The following ZNF608 variants were observed in gnomAD, a reference collection of about 807,000 sequenced individuals.
The protein encoded by ZNF608 is renal carcinoma antigen NY-REN-36.
In ZNF608, 12 loss-of-function variants were observed where a neutral mutation model predicts 109.0. The ratio of observed to expected loss-of-function variants is 0.11; its 90% CI spans 0.07 to 0.18. The LOEUF (loss-of-function observed/expected upper bound fraction) is 0.18, where lower values mean the gene tolerates loss of function less well. ZNF608 is among the 10% of genes least tolerant of loss of function. The pLI, the probability that ZNF608 is intolerant of heterozygous loss-of-function variation, is 1.00. For missense variants in ZNF608, 1,707 were observed against 1,879.3 expected, an observed-to-expected ratio of 0.91 and a Z score of 1.70; for synonymous variants, 732 against 717.4, an observed-to-expected ratio of 1.02 and a Z score of -0.33.
intron 2 of ZNF608, among the ~76,000 whole-genome samples, chr5:124,732,481 A>G (rs1484643826): frequency 1.3e-5 from 2 of 151,952 alleles, no homozygotes; most frequent in Non-Finnish European, 2.9e-5. Flanking sequence ...TGCAACTACA[A>G]CATGGACAAA....
intron 1 of ZNF608, 78 bp downstream of exon 1, chr5:124,746,117 T>G: frequency 1.0e-6 from 1 of 985,142 alleles, no homozygotes; most frequent in Non-Finnish European, 1.2e-6. Flanking sequence ...ATCAGCCCCT[T>G]TTTAACAGTT....
At chr5:124,689,989 T>C (rs1233090011) in intron 3 of ZNF608, among the ~76,000 whole-genome samples, 2 of 152,176 alleles carry the variant, frequency 1.3e-5, no homozygotes, top group East Asian at 3.9e-4. Flanking sequence ...CTTTCAGGAG[T>C]GAATGGACAA....
intron 5 of ZNF608, among the ~76,000 whole-genome samples, chr5:124,646,158 C>G (rs868066358): frequency 6.6e-5 from 10 of 152,038 alleles, no homozygotes; most frequent in Middle Eastern, 3.2e-3. Flanking sequence ...GTCAGGAGAT[C>G]GAGACCATCT....
chr5:124,670,538 G>A (rs142204550), intron 3 of ZNF608, among the ~76,000 whole-genome samples: 87 of 152,226 alleles, frequency 5.7e-4, no homozygotes, highest in African/African-American at 2.0e-3. Flanking sequence ...TGTCATAGGC[G>A]TGGATCCTCT....
chr5:124,646,364 T>A (rs935128493), intron 5 of ZNF608, among the ~76,000 whole-genome samples: 2 of 151,904 alleles, frequency 1.3e-5, no homozygotes, highest in Non-Finnish European at 2.9e-5. Flanking sequence ...TCTCAAAAAA[T>A]TTAAAAAATT....
intron 9 of ZNF608, 160 bp downstream of exon 9, chr5:124,638,973 T>G: frequency 1.2e-6 from 1 of 828,638 alleles, no homozygotes; most frequent in Non-Finnish European, 1.9e-6. Flanking sequence ...GGAATTTAAG[T>G]TGCATGTGAA....
chr5:124,688,387 A>G (rs11951470), intron 3 of ZNF608, among the ~76,000 whole-genome samples: 31,989 of 152,054 alleles, frequency 0.21, 3,456 homozygotes, highest in African/African-American at 0.26. Context: ...AGAAAGTCTC[A>G]TTCCCTTTCT....
chr5:124,648,453 A>G lies in ZNF608; in HGVS notation c.1931T>C (p.Met644Thr). The change falls in exon 5 of 10, where the codon ATG becomes ACG. Residue 644 changes from methionine to threonine, a missense_variant. Physicochemically the swap from Met to Thr is moderately conservative, Grantham distance 81. This residue lies in a region of ZNF608 where 1,073 missense variants were observed against 1,133.5 expected (regional missense o/e 0.95). Coordinates refer to ENST00000513986, the MANE Select transcript of ZNF608 (RefSeq NM_020747.3). ...AATAATGGAACCTGGGCCATTGCTCATCAGCTCTCTCTTTCCCTTTGGGGT... is the reference window on the plus strand; with the variant it reads ...AATAATGGAACCTGGGCCATTGCTCGTCAGCTCTCTCTTTCCCTTTGGGGT... ...PGTPKGKREL[M>T]SNGPGSIIGA... 6.2e-7 allele frequency: 1 copy of G among 1,614,196 alleles called. No homozygotes were observed. The highest frequency in any genetic ancestry group is 8.5e-7 in the Non-Finnish European group (1 of 1,180,046).
At chr5:124,644,019 A>G (rs1750375451) in intron 6 of ZNF608, among the ~76,000 whole-genome samples, 1 of 152,248 alleles carries the variant, frequency 6.6e-6, no homozygotes, top group Non-Finnish European at 1.5e-5. Context: ...TCAGCCTAAC[A>G]GCTATAGCAG....
At position 124,644,426 on chromosome 5, in the gene ZNF608, T is replaced by A. The variant is rs760146805; in HGVS notation, c.3941A>T (p.Asp1314Val). The A allele has an allele frequency of 6.2e-7, 1 of 1,614,072 alleles. No individual in the cohort carries two copies. Among genetic ancestry groups the A allele is most frequent in the African/African-American group, 1.3e-5 (1 of 74,918 alleles). The stretch of plus-strand genomic sequence containing the variant: ...CCAGTTCACAGGAGTCTTTCGATCA[T>A]CATTTTTCAGCTTGCTCTCCTCCAT... ...QSMEESKLKNDDRKTPVNWKD... is the reference protein window; with the variant it reads ...QSMEESKLKNVDRKTPVNWKD... Residue 1314 changes from aspartate to valine, a missense_variant, in exon 6 of 10, where the codon GAT (aspartate) becomes GTT (valine). By Grantham distance (152) the Asp-to-Val change is radical. Coordinates refer to ENST00000513986, the MANE Select transcript of ZNF608 (RefSeq NM_020747.3).
At chr5:124,662,876 C>T (rs1274209170) in intron 3 of ZNF608, among the ~76,000 whole-genome samples, 2 of 152,140 alleles carry the variant, frequency 1.3e-5, no homozygotes, top group South Asian at 2.1e-4. Context: ...TCGCCACAGT[C>T]CCTGAACCAG....
At chr5:124,656,034 A>G (rs1011041182) in intron 3 of ZNF608, among the ~76,000 whole-genome samples, 2 of 152,132 alleles carry the variant, frequency 1.3e-5, no homozygotes, top group African/African-American at 4.8e-5. Flanking sequence ...AAAATGCAGT[A>G]TGTTTTTTTT....
At chr5:124,714,687 A>G (rs1277422301) in intron 2 of ZNF608, among the ~76,000 whole-genome samples, 3 of 152,236 alleles carry the variant, frequency 2.0e-5, no homozygotes, top group Admixed American at 1.3e-4. Flanking sequence ...TAGTATCTCT[A>G]TCATATAAGT....
chr5:124,745,103 T>C lies in ZNF608; in HGVS notation c.-114A>G. 1 of 1,454,016 alleles carries C rather than the reference T, an allele frequency of 6.9e-7. No individual in the cohort carries two copies. Among genetic ancestry groups the C allele is most frequent in the Admixed American group, 2.8e-5 (1 of 36,132 alleles). 90.1% of individuals were successfully genotyped at this position (1,454,016 alleles called of 1,614,324 possible). On this transcript the variant is annotated 5_prime_UTR_variant, in exon 2 of 10. Transcript: ENST00000513986. ...CAAAGAAAAAAAAAATCTTCTAATC[T>C]TCCTCTTCTTTTTCCTGCCCCACGA...
rs531045537 is a variant in ZNF608 at position 124,637,841 on chromosome 5, C to A, written c.*59G>T. On this transcript the variant is annotated 3_prime_UTR_variant, in exon 10 of 10. Transcript: ENST00000513986. ...CAAATTAACACCATGGAACTGATGTCTGTATAAAGCGCTTCCCCATGTGAT... is the reference window on the plus strand; with the variant it reads ...CAAATTAACACCATGGAACTGATGTATGTATAAAGCGCTTCCCCATGTGAT... 1.1e-5 allele frequency: 17 copies of A among 1,572,332 alleles called. No individual in the cohort carries two copies. The highest frequency in any genetic ancestry group is 1.5e-5 in the Non-Finnish European group (17 of 1,153,966).
Position 124,659,584 on chromosome 5 carries a change from T to G in ZNF608, c.1163-9887A>C, listed in dbSNP as rs577845945. 5.7e-4 allele frequency among the ~76,000 whole-genome samples: 86 copies of G among 152,086 alleles called. 2 individuals are homozygous for G. The highest frequency in any genetic ancestry group is 6.6e-4 in the Non-Finnish European group (45 of 68,010). On this transcript the variant is annotated intron_variant, in intron 3 of 9. Transcript: ENST00000513986. ...GGAGGGATAGGCAAGGAAAAGGAAA[T>G]AGGAGCTATTGTCTTCCTAACTCCT...
At chr5:124,684,570 A>G (rs144161134) in intron 3 of ZNF608, among the ~76,000 whole-genome samples, 3 of 152,340 alleles carry the variant, frequency 2.0e-5, no homozygotes, top group Non-Finnish European at 4.4e-5. Context: ...ATGGGGGATA[A>G]TGTCACCAAA....
At chr5:124,747,073 A>G (rs2149912568), upstream of ZNF608, among the ~76,000 whole-genome samples, 1 of 152,176 alleles carries the variant, frequency 6.6e-6, no homozygotes, top group East Asian at 1.9e-4. Flanking sequence ...CTGAGTTCCT[A>G]GTATAGCTCC....
intron 2 of ZNF608, among the ~76,000 whole-genome samples, chr5:124,731,687 G>A (rs1030660020): frequency 3.3e-5 from 5 of 152,020 alleles, no homozygotes; most frequent in Non-Finnish European, 5.9e-5. Flanking sequence ...TTAGCCAGGC[G>A]TGCTGGTGGG....
Sources: allele counts gnomAD v4.1 joint callset (sites outside exome capture counted in the v4.1 genomes callset), GRCh38; gene constraint gnomAD v4.1.1; regional missense constraint gnomAD v4.1.1; transcripts MANE v1.5; gene names NCBI Gene and HGNC (gene_info 2026-07-23, HGNC 2026-07-21).